Variants in VRK2 observed in about 807,000 individuals in gnomAD.
VRK2 encodes serine/threonine-protein kinase VRK2.
In VRK2, 60 loss-of-function variants were observed where a neutral mutation model predicts 57.6. That is an observed-to-expected ratio of 1.04 (90% CI 0.85 to 1.29). The LOEUF is 1.29. Ranked by LOEUF, VRK2 falls within the 50% of genes most tolerant of loss-of-function variation. The pLI, the probability that VRK2 is intolerant of heterozygous loss-of-function variation, is 0.00. For missense variants in VRK2, 705 were observed against 588.1 expected (o/e 1.20, Z -2.06); for synonymous variants, 231 against 199.2 (o/e 1.16, Z -1.35).
At chr2:58,002,507 G>T (rs1188468358) in intron 1 of VRK2, among the ~76,000 whole-genome samples, 1 of 152,042 alleles carries the variant, frequency 6.6e-6, no homozygotes, top group African/African-American at 2.4e-5. Context: ...TATGTGTGAA[G>T]ATAGGTAGTG....
Position 58,135,061 on chromosome 2 carries a change from CAT to C in VRK2, c.798-78_798-77del, listed in dbSNP as rs1679819684. The C allele has an allele frequency of 2.9e-5, 44 of 1,496,534 alleles. No homozygotes were observed. In the South Asian group the frequency reaches 4.1e-4, roughly 14 times the overall value. 92.7% of individuals were successfully genotyped at this position (1,496,534 alleles called of 1,614,324 possible). ...TCACAATTTTGGTGACCTACCAACA[CAT>C]AGAGTGTTTTGTTTTCTAGTCAAAA... is the stretch of plus-strand genomic sequence containing the variant. On this transcript the variant is annotated intron_variant, in intron 9 of 12. Transcript: ENST00000340157.
intron 7 of VRK2, among the ~76,000 whole-genome samples, chr2:58,110,816 A>G (rs1297905900): frequency 6.6e-6 from 1 of 152,194 alleles, no homozygotes; most frequent in African/African-American, 2.4e-5. Context: ...CAGATCTGAC[A>G]AAATCTCAGT....
At chr2:58,084,809 C>T (rs1486256319) in intron 3 of VRK2, 72 bp from the exon 4 acceptor site, 3 of 1,012,204 alleles carry the variant, frequency 3.0e-6, no homozygotes, top group Non-Finnish European at 4.4e-6. Context: ...TTCATATTTT[C>T]ACAGTTGAAA....
chr2:58,001,038 T>C (rs534908000), intron 1 of VRK2, among the ~76,000 whole-genome samples: 29 of 152,324 alleles, frequency 1.9e-4, no homozygotes, highest in Non-Finnish European at 2.9e-4. Context: ...AATATTTTAA[T>C]GAGTGGCATA....
chr2:57,953,580 A>C (rs1671492757), intron 1 of VRK2, among the ~76,000 whole-genome samples: 1 of 152,194 alleles, frequency 6.6e-6, no homozygotes, highest in South Asian at 2.1e-4. Context: ...GGTAGTTATT[A>C]TAGTTCCTGT....
chr2:57,968,879 G>A (rs1328890179), intron 1 of VRK2, among the ~76,000 whole-genome samples: 1 of 152,008 alleles, frequency 6.6e-6, no homozygotes, highest in Non-Finnish European at 1.5e-5. Flanking sequence ...AAACAATTTT[G>A]AGAAAGTTTG....
intron 11 of VRK2, among the ~76,000 whole-genome samples, chr2:58,144,275 T>C (rs111970693): frequency 0.011 from 1,703 of 152,032 alleles, 31 homozygotes; most frequent in African/African-American, 0.038. Flanking sequence ...AGTCAAAAGG[T>C]ACAAACTTTC....
chr2:58,046,991 C>T, intron 1 of VRK2, 123 bp downstream of exon 1: 1 of 984,978 alleles, frequency 1.0e-6, no homozygotes, highest in Non-Finnish European at 1.2e-6. Context: ...CGGGCCGTCC[C>T]AGCCCCCGGG....
At chr2:58,002,462 C>T (rs563393307) in intron 1 of VRK2, among the ~76,000 whole-genome samples, 63 of 151,612 alleles carry the variant, frequency 4.2e-4, no homozygotes, top group African/African-American at 1.4e-3. Context: ...GCAACAAGAG[C>T]GAAATTCCAT....
At chr2:58,118,337 T>A (rs138994068) in intron 7 of VRK2, among the ~76,000 whole-genome samples, 2 of 152,232 alleles carry the variant, frequency 1.3e-5, no homozygotes, top group African/African-American at 4.8e-5. Context: ...CCTGCAATGA[T>A]TAAACATCAA....
At chr2:58,110,481 C>G (rs1191712779) in intron 7 of VRK2, among the ~76,000 whole-genome samples, 2 of 152,142 alleles carry the variant, frequency 1.3e-5, no homozygotes, top group Non-Finnish European at 2.9e-5. Context: ...TCATTCATAT[C>G]TGTTAAAAAA....
At position 58,014,980 on chromosome 2, in the gene VRK2, C is replaced by G. The variant is rs143855888; in HGVS notation, c.-438-10685C>G. ...CCTCAGTAAAATCCACTTCAGATTT[C>G]TGACCCTGAGAATTTTAAGATAATA... On this transcript the variant is annotated intron_variant, in intron 1 of 15. Transcript: ENST00000417641. Among the ~76,000 whole-genome samples the G allele has an allele frequency of 1.6e-3, 243 of 152,224 alleles. 2 individuals carry two copies. The highest frequency in any genetic ancestry group is 0.01 in the Middle Eastern group (3 of 294).
chr2:57,921,429 T>C (rs1212843377), intron 1 of VRK2, among the ~76,000 whole-genome samples: 5 of 152,008 alleles, frequency 3.3e-5, no homozygotes, highest in Admixed American at 3.3e-4. Context: ...TGGGGAGTGA[T>C]AGCCTTGTGT....
chr2:58,085,352 G>C (rs1047628638), intron 4 of VRK2, among the ~76,000 whole-genome samples: 1 of 151,964 alleles, frequency 6.6e-6, no homozygotes. Context: ...TTGTAGAATG[G>C]ATTGGGGCAA....
intron 1 of VRK2, among the ~76,000 whole-genome samples, chr2:57,995,043 A>T (rs909036699): frequency 3.3e-5 from 5 of 152,250 alleles, no homozygotes; most frequent in African/African-American, 4.8e-5. Context: ...GTATTTTAAT[A>T]GTCTTTTCAG....
chr2:57,926,392 G>T lies in VRK2; in HGVS notation c.-439+18553G>T, dbSNP rs146273025. ...TTAATAATATTTGCTTTATATATTT[G>T]GGTCCTCCAGTGTCCTCCAGTGTCA... On this transcript the variant is annotated intron_variant, in intron 1 of 15. Transcript: ENST00000417641. Among the ~76,000 whole-genome samples, 1,500 of 150,360 alleles carry T rather than the reference G, an allele frequency of 1.0e-2. 25 individuals are homozygous for T. Among genetic ancestry groups the T allele is most frequent in the African/African-American group, 0.035 (1,424 of 40,950 alleles).
intron 12 of VRK2, among the ~76,000 whole-genome samples, chr2:58,149,305 A>G (rs1682640428): frequency 6.6e-6 from 1 of 151,546 alleles, no homozygotes. Flanking sequence ...TATTCCAGTT[A>G]TTTGTTGCTG....
chr2:58,046,894 G>A, intron 1 of VRK2, 26 bp downstream of exon 1: 1 of 985,384 alleles, frequency 1.0e-6, no homozygotes, highest in Non-Finnish European at 1.2e-6. Flanking sequence ...TGGGGTCTTG[G>A]GTGGCGGGCG....
chr2:58,034,195 T>C (rs1318169519), intron 3 of VRK2, among the ~76,000 whole-genome samples: 1 of 152,042 alleles, frequency 6.6e-6, no homozygotes. Context: ...AAGTCAAAAA[T>C]ACTTAAACTC....
Sources: gnomAD v4.1 joint callset for allele counts (sites outside exome capture counted in the v4.1 genomes callset) on GRCh38, gnomAD v4.1.1 for gene constraint, MANE v1.5 for transcripts, NCBI Gene and HGNC (gene_info 2026-07-23, HGNC 2026-07-21) for gene names.